Variants in GRIK2 observed in about 807,000 individuals in gnomAD.
The protein encoded by GRIK2 is glutamate receptor ionotropic, kainate 2.
In GRIK2, 32 loss-of-function variants were observed where a neutral mutation model predicts 100.3. The observed-to-expected ratio is 0.32, with a 90% CI of 0.24 to 0.43. The LOEUF (loss-of-function observed/expected upper bound fraction) is 0.43. Among genes scored for constraint, GRIK2 ranks in the 20% least tolerant of loss-of-function variants. The pLI is 1.00. For missense variants in GRIK2, 843 were observed against 1,114.9 expected (o/e 0.76, Z 3.47); for synonymous variants, 417 against 389.4 (o/e 1.07, Z -0.83).
At chr6:101,696,132 A>G (rs190711878) in intron 7 of GRIK2, among the ~76,000 whole-genome samples, 1 of 152,144 alleles carries the variant, frequency 6.6e-6, no homozygotes, top group Non-Finnish European at 1.5e-5. Flanking sequence ...GATTGCATCA[A>G]TTTTAGAATC....
At chr6:101,845,315 T>G (rs1017658302) in intron 10 of GRIK2, among the ~76,000 whole-genome samples, 1 of 152,100 alleles carries the variant, frequency 6.6e-6, no homozygotes, top group African/African-American at 2.4e-5. Flanking sequence ...CAGCCTTGCA[T>G]TTGTTTTTAC....
intron 2 of GRIK2, among the ~76,000 whole-genome samples, chr6:101,595,065 A>G (rs1290064022): frequency 6.6e-6 from 1 of 151,682 alleles, no homozygotes; most frequent in African/African-American, 2.4e-5. Flanking sequence ...AACCTCAAGT[A>G]GGCATTCATA....
At chr6:102,064,525 T>C (rs1364821647) in intron 16 of GRIK2, among the ~76,000 whole-genome samples, 1 of 150,500 alleles carries the variant, frequency 6.6e-6, no homozygotes, top group East Asian at 1.9e-4. Context: ...ACCAGGAAAA[T>C]TACTGCCTAG....
intron 2 of GRIK2, among the ~76,000 whole-genome samples, chr6:101,425,734 C>A (rs1445231618): frequency 1.3e-5 from 2 of 152,236 alleles, no homozygotes; most frequent in African/African-American, 2.4e-5. Flanking sequence ...TTTTCCTAGA[C>A]CTTTAAAATC....
At chr6:101,978,403 G>C (rs1488017376) in intron 14 of GRIK2, among the ~76,000 whole-genome samples, 1 of 151,976 alleles carries the variant, frequency 6.6e-6, no homozygotes, top group African/African-American at 2.4e-5. Flanking sequence ...ACTAAATATA[G>C]TAATATAATT....
intron 7 of GRIK2, among the ~76,000 whole-genome samples, chr6:101,732,067 TAATAC>T (rs1775309101): frequency 6.6e-6 from 1 of 152,058 alleles, no homozygotes; most frequent in African/African-American, 2.4e-5. Context: ...AATTATTATA[TAATAC>T]ATTTGTCAGT....
intron 12 of GRIK2, among the ~76,000 whole-genome samples, chr6:101,915,432 T>C (rs866906810): frequency 1.1e-4 from 17 of 151,476 alleles, no homozygotes; most frequent in Admixed American, 6.6e-4. Flanking sequence ...AAAAGTGAAG[T>C]GGTACTTGCT....
At chr6:101,520,614 CTTGT>C (rs752033429) in intron 2 of GRIK2, among the ~76,000 whole-genome samples, 26 of 151,954 alleles carry the variant, frequency 1.7e-4, no homozygotes, top group Admixed American at 5.2e-4. Context: ...CCAAGAACTT[CTTGT>C]TTATCTGGTA....
At chr6:101,633,971 G>T (rs913109254) in intron 4 of GRIK2, among the ~76,000 whole-genome samples, 1 of 152,062 alleles carries the variant, frequency 6.6e-6, no homozygotes, top group African/African-American at 2.4e-5. Flanking sequence ...GATGTTAGTT[G>T]TTGTTTTATT....
At chr6:101,610,394 A>G (rs2128313108) in intron 2 of GRIK2, among the ~76,000 whole-genome samples, 1 of 151,968 alleles carries the variant, frequency 6.6e-6, no homozygotes, top group African/African-American at 2.4e-5. Flanking sequence ...TAGAATGTTT[A>G]ATACTTTCAT....
chr6:101,793,003 C>T (rs1021481159), intron 7 of GRIK2, among the ~76,000 whole-genome samples: 1 of 152,166 alleles, frequency 6.6e-6, no homozygotes, highest in Non-Finnish European at 1.5e-5. Flanking sequence ...ATCGCATCGG[C>T]TCCTGAGGCT....
At chr6:101,819,691 A>C (rs2128422579) in intron 10 of GRIK2, among the ~76,000 whole-genome samples, 1 of 152,280 alleles carries the variant, frequency 6.6e-6, no homozygotes, top group East Asian at 1.9e-4. Context: ...TCTGATCTAC[A>C]TGCCACTATG....
At chr6:101,713,445 C>A (rs1240314766) in intron 7 of GRIK2, among the ~76,000 whole-genome samples, 1 of 151,664 alleles carries the variant, frequency 6.6e-6, no homozygotes, top group African/African-American at 2.4e-5. Context: ...TTCATTAGTT[C>A]TGTTTCATTA....
intron 7 of GRIK2, among the ~76,000 whole-genome samples, chr6:101,709,077 A>G (rs1345569605): frequency 1.3e-5 from 2 of 151,852 alleles, no homozygotes; most frequent in East Asian, 3.9e-4. Context: ...AATTTTTAAA[A>G]CAGAAGAGGG....
chr6:102,065,815 C>T (rs1771990049), intron 16 of GRIK2: 1 of 1,520,756 alleles, frequency 6.6e-7, no homozygotes. Context: ...GACTAAGTTA[C>T]CTCAAGACTA....
rs36081447 is a variant in GRIK2 at position 101,980,891 on chromosome 6, C to CTT, written c.2085+52277_2085+52278dup. 5.0e-3 allele frequency among the ~76,000 whole-genome samples: 629 copies of CTT among 124,754 alleles called. 4 individuals are homozygous for CTT. Among genetic ancestry groups the CTT allele is most frequent in the Middle Eastern group, 0.024 (6 of 248 alleles). The allele number at this position is 124,754 out of a possible 152,430, so 81.8% of individuals were successfully genotyped here. A position where few individuals can be genotyped will look rare whatever the true frequency, so the allele number is the denominator to read the frequency against. ...TTAACCATTACCCTCCCATTTTTTC[C>CTT]TTTTTTTTTTTTTTTTTTTAGAACA... is the stretch of plus-strand genomic sequence containing the variant. On this transcript the variant is annotated intron_variant, in intron 14 of 16. Coordinates refer to ENST00000369134, the MANE Select transcript of GRIK2 (RefSeq NM_021956.5).
rs141684120 is a variant in GRIK2 at position 101,836,562 on chromosome 6, T to C, written c.1317+18079T>C. On this transcript the variant is annotated intron_variant, in intron 10 of 16. Transcript: ENST00000369134. Reference sequence around the variant, plus strand: ...TTTAACTTTTTAAAAATATGGTTATTAGCAGAAGCTACATTATATGTGTGC... The same window carrying C: ...TTTAACTTTTTAAAAATATGGTTATCAGCAGAAGCTACATTATATGTGTGC... Among the ~76,000 whole-genome samples the C allele has an allele frequency of 4.3e-4, 64 of 149,760 alleles. 1 individual carries two copies. Among genetic ancestry groups the C allele is most frequent in the Middle Eastern group, 7.0e-3 (2 of 286 alleles).
rs532689852 is a variant in GRIK2, at chr6:101,906,024, C to A, written c.1748+16161C>A. On this transcript the variant is annotated intron_variant, in intron 12 of 16. Transcript: ENST00000369134. ...ACTAAAAATAGTTTGATTTTCTTAACTCAAATATTAAAGTGCGTTTAGATA... is the reference window on the plus strand; with the variant it reads ...ACTAAAAATAGTTTGATTTTCTTAAATCAAATATTAAAGTGCGTTTAGATA... Among the ~76,000 whole-genome samples, 11 of 151,626 alleles carry A rather than the reference C, an allele frequency of 7.3e-5. No individual in the cohort carries two copies. The East Asian group carries it at 2.1e-3, about 29-fold the overall frequency.
chr6:101,925,180 G>A (rs1789806610), intron 13 of GRIK2, among the ~76,000 whole-genome samples: 1 of 152,056 alleles, frequency 6.6e-6, no homozygotes. Flanking sequence ...CTATAAATTT[G>A]AAGAGTTAAA....
Sources: gnomAD v4.1 joint callset for allele counts (sites outside exome capture counted in the v4.1 genomes callset) on GRCh38, gnomAD v4.1.1 for gene constraint, MANE v1.5 for transcripts, NCBI Gene and HGNC (gene_info 2026-07-23, HGNC 2026-07-21) for gene names.